Variants in ARHGEF7 observed in about 807,000 individuals in gnomAD.
ARHGEF7 encodes the protein PAK-interacting exchange factor beta.
ARHGEF7 carries 33 observed loss-of-function variants against 109.8 expected under a neutral mutation model. That is an observed-to-expected ratio of 0.30 (90% CI 0.23 to 0.40). ARHGEF7 has a LOEUF of 0.40. Among genes scored for constraint, ARHGEF7 ranks in the 10% least tolerant of loss-of-function variants. The pLI, the probability that ARHGEF7 is intolerant of heterozygous loss-of-function variation, is 1.00. For synonymous variants in ARHGEF7, 458 were observed against 424.6 expected (o/e 1.08, Z -0.97); for missense variants, 938 against 1,098.5 (o/e 0.85, Z 2.07).
intron 1 of ARHGEF7, among the ~76,000 whole-genome samples, chr13:111,143,249 G>A (rs950616047): frequency 2.0e-5 from 3 of 152,196 alleles, no homozygotes; most frequent in African/African-American, 7.2e-5. Flanking sequence ...TCCCGGCAGA[G>A]AACAGACTGC....
At chr13:111,234,154 G>A (rs571276570) in intron 6 of ARHGEF7, among the ~76,000 whole-genome samples, 2 of 152,196 alleles carry the variant, frequency 1.3e-5, no homozygotes, top group African/African-American at 4.8e-5. Flanking sequence ...CGAGACCTTT[G>A]AATTGTTGGT....
intron 1 of ARHGEF7, among the ~76,000 whole-genome samples, chr13:111,146,008 C>T (rs1342197446): frequency 6.6e-6 from 1 of 152,112 alleles, no homozygotes; most frequent in South Asian, 2.1e-4. Context: ...CATGAGACAT[C>T]GGTGGGCCCT....
At chr13:111,301,161 C>T (rs2093557511) in intron 20 of ARHGEF7, among the ~76,000 whole-genome samples, 1 of 152,266 alleles carries the variant, frequency 6.6e-6, no homozygotes, top group African/African-American at 2.4e-5. Flanking sequence ...GTTGGCCAGG[C>T]TGGTCTCAAA....
intron 2 of ARHGEF7, among the ~76,000 whole-genome samples, chr13:111,191,285 A>G (rs1846350392): frequency 6.6e-6 from 1 of 152,186 alleles, no homozygotes; most frequent in Non-Finnish European, 1.5e-5. Context: ...TAGGTGCCCC[A>G]GGGGCAGGCC....
At chr13:111,289,611 C>G (rs1244712832) in intron 18 of ARHGEF7, among the ~76,000 whole-genome samples, 1 of 152,000 alleles carries the variant, frequency 6.6e-6, no homozygotes, top group Non-Finnish European at 1.5e-5. Flanking sequence ...CTCACTTGCT[C>G]GTTTTGTTAA....
intron 1 of ARHGEF7, among the ~76,000 whole-genome samples, chr13:111,121,705 C>G (rs138644550): frequency 6.6e-6 from 1 of 152,222 alleles, no homozygotes; most frequent in African/African-American, 2.4e-5. Context: ...CCCGAACCCA[C>G]GGGTCCCTGC....
chr13:111,201,212 T>C (rs1399762549), intron 2 of ARHGEF7, among the ~76,000 whole-genome samples: 2 of 152,218 alleles, frequency 1.3e-5, no homozygotes, highest in Admixed American at 6.5e-5. Flanking sequence ...ATAGTTTCTC[T>C]GCGTCTCACT....
chr13:111,195,160 G>T (rs1012841197), intron 2 of ARHGEF7, among the ~76,000 whole-genome samples: 4 of 152,180 alleles, frequency 2.6e-5, no homozygotes, highest in Admixed American at 2.6e-4. Context: ...AGGAAAAGTG[G>T]TGGGATCTTT....
chr13:111,260,707 A>C (rs2090994110), intron 8 of ARHGEF7, among the ~76,000 whole-genome samples: 1 of 152,254 alleles, frequency 6.6e-6, no homozygotes, highest in Admixed American at 6.5e-5. Flanking sequence ...AGAAGAATAC[A>C]GAATAGTATA....
chr13:111,169,389 G>A (rs889031829), intron 2 of ARHGEF7, among the ~76,000 whole-genome samples: 2 of 152,124 alleles, frequency 1.3e-5, no homozygotes, highest in Non-Finnish European at 2.9e-5. Context: ...ACTTACAATC[G>A]TGGTGGAAGG....
intron 12 of ARHGEF7, chr13:111,276,024 G>A: frequency 3.7e-6 from 1 of 271,114 alleles, no homozygotes; most frequent in Non-Finnish European, 7.4e-6. Context: ...TTTGTACCAA[G>A]GCTCACTCTC....
intron 4 of ARHGEF7, 100 bp downstream of exon 4, chr13:111,210,102 A>T: frequency 6.6e-7 from 1 of 1,506,826 alleles, no homozygotes; most frequent in Non-Finnish European, 9.1e-7. Context: ...AATGGTGTTA[A>T]ACAGGGCAAA....
At chr13:111,127,648 G>GA (rs71206956) in intron 1 of ARHGEF7, among the ~76,000 whole-genome samples, 3,417 of 40,046 alleles carry the variant, frequency 0.085, 153 homozygotes, top group African/African-American at 0.16. Flanking sequence ...CTCTGTTTCA[G>GA]AAAAAAAAAA....
chr13:111,290,767 C>T (rs2093247723), intron 18 of ARHGEF7, among the ~76,000 whole-genome samples: 1 of 152,294 alleles, frequency 6.6e-6, no homozygotes, highest in African/African-American at 2.4e-5. Context: ...ATGGGCAAAC[C>T]ACTCTGGGGC....
At chr13:111,207,863 G>T (rs913702563) in intron 3 of ARHGEF7, among the ~76,000 whole-genome samples, 1 of 152,180 alleles carries the variant, frequency 6.6e-6, no homozygotes, top group East Asian at 1.9e-4. Context: ...CATTGGCTAT[G>T]TGTTGGATGT....
rs537124582 is a variant in ARHGEF7, at chr13:111,126,218, C to A, written c.165+10527C>A. ...TGAAAATAGGCTTTAAGGCTGGGCG[C>A]GGTGGCTCACGCCTATAATCCTAGC... is the stretch of plus-strand genomic sequence containing the variant. On this transcript the variant is annotated intron_variant, in intron 1 of 21. Coordinates refer to ENST00000646102, the MANE Select transcript of ARHGEF7 (RefSeq NM_001354046.2). Among the ~76,000 whole-genome samples, 20 of 152,312 alleles carry A rather than the reference C, an allele frequency of 1.3e-4. 1 individual carries two copies. In the South Asian group the frequency reaches 3.7e-3, roughly 28 times the overall value.
chr13:111,147,134 GC>G (rs1442317464), intron 1 of ARHGEF7, among the ~76,000 whole-genome samples: 2 of 152,202 alleles, frequency 1.3e-5, no homozygotes, highest in African/African-American at 4.8e-5. Flanking sequence ...TGAAGGCTTT[GC>G]TGATTATAAA....
chr13:111,293,228 G>A, intron 19 of ARHGEF7: 1 of 985,390 alleles, frequency 1.0e-6, no homozygotes, highest in African/African-American at 1.7e-5. Flanking sequence ...AAAGTCAAGT[G>A]CTGTGGCTTC....
At chr13:111,218,777 A>G (rs539276207) in intron 5 of ARHGEF7, among the ~76,000 whole-genome samples, 3 of 152,248 alleles carry the variant, frequency 2.0e-5, no homozygotes, top group Non-Finnish European at 4.4e-5. Flanking sequence ...GGTTTATACT[A>G]TGTGTATGGA....
Sources: allele counts gnomAD v4.1 joint callset (sites outside exome capture counted in the v4.1 genomes callset), GRCh38; gene constraint gnomAD v4.1.1; transcripts MANE v1.5; gene names NCBI Gene and HGNC (gene_info 2026-07-23, HGNC 2026-07-21).